Variants in ESRRG observed in about 807,000 individuals in gnomAD.
The protein encoded by ESRRG is estrogen related receptor gamma.
ESRRG carries 13 observed loss-of-function variants against 44.0 expected under a neutral mutation model. That is an observed-to-expected ratio of 0.30 (90% CI 0.19 to 0.47). The LOEUF (loss-of-function observed/expected upper bound fraction) is 0.47, where lower values mean the gene tolerates loss of function less well. Among genes scored for constraint, ESRRG ranks in the 20% least tolerant of loss-of-function variants. ESRRG has a pLI of 1.00. For missense variants in ESRRG, 395 were observed against 580.6 expected (o/e 0.68, Z 3.29); for synonymous variants, 215 against 214.6 (o/e 1.00, Z -0.02).
chr1:216,950,709 G>A (rs1240628720), intron 1 of ESRRG, among the ~76,000 whole-genome samples: 1 of 152,158 alleles, frequency 6.6e-6, no homozygotes, highest in Non-Finnish European at 1.5e-5. Flanking sequence ...TATAAGCAAT[G>A]ATTATCTATT....
chr1:216,883,819 C>T (rs1185232301), intron 2 of ESRRG, among the ~76,000 whole-genome samples: 1 of 151,042 alleles, frequency 6.6e-6, no homozygotes, highest in African/African-American at 2.4e-5. Flanking sequence ...CAATGTCCAA[C>T]ACCACTTTGG....
At chr1:216,970,100 T>C (rs992975893) in intron 1 of ESRRG, among the ~76,000 whole-genome samples, 4 of 152,068 alleles carry the variant, frequency 2.6e-5, no homozygotes, top group Admixed American at 1.3e-4. Flanking sequence ...TACAACCCCA[T>C]AGCTTTTCAC....
rs868338935 is a variant in ESRRG, at chr1:216,730,180, C to G, written c.-13-52689G>C. ...TGACACTATACTAGCGCATAGAACT[C>G]CGACAGAGATCTGACCTCTCTGAGG... is the stretch of plus-strand genomic sequence containing the variant. On this transcript the variant is annotated intron_variant, in intron 2 of 7. Coordinates refer to the ESRRG transcript ENST00000359162. Among the ~76,000 whole-genome samples the G allele has an allele frequency of 4.0e-4, 60 of 151,858 alleles. 1 individual carries two copies. Among genetic ancestry groups the G allele is most frequent in the African/African-American group, 1.4e-3 (57 of 41,352 alleles).
At chr1:216,623,986 G>A (rs1393340369) in intron 3 of ESRRG, among the ~76,000 whole-genome samples, 1 of 151,868 alleles carries the variant, frequency 6.6e-6, no homozygotes, top group Non-Finnish European at 1.5e-5. Flanking sequence ...TACTAGCCAA[G>A]TCCATACCTA....
intron 3 of ESRRG, among the ~76,000 whole-genome samples, chr1:216,622,436 C>G (rs1450516162): frequency 6.6e-6 from 1 of 152,208 alleles, no homozygotes; most frequent in Admixed American, 6.5e-5. Flanking sequence ...TAGGCATTCT[C>G]TGATCCTTCT....
intron 2 of ESRRG, among the ~76,000 whole-genome samples, chr1:216,920,419 TGC>T (rs757919402): frequency 0.055 from 3,117 of 56,952 alleles, 55 homozygotes; most frequent in Middle Eastern, 0.085. Flanking sequence ...TGTGTGTGTG[TGC>T]GCATATTTTT....
Position 216,513,875 on chromosome 1 carries a change from G to A in ESRRG, c.1132+5277C>T, listed in dbSNP as rs765683064. Among the ~76,000 whole-genome samples the A allele has an allele frequency of 1.2e-4, 18 of 152,112 alleles. 1 individual carries two copies. Among genetic ancestry groups the A allele is most frequent in the South Asian group, 4.1e-4 (2 of 4,822 alleles). ...AGTGAATGTTGATATCAATTTGGGT[G>A]GTGAATAGTTCAACATTTCAAAACA... On this transcript the variant is annotated intron_variant, in intron 6 of 6. Transcript: ENST00000408911.
intron 2 of ESRRG, among the ~76,000 whole-genome samples, chr1:216,808,562 GACT>G (rs2094870280): frequency 6.6e-6 from 1 of 152,062 alleles, no homozygotes; most frequent in Non-Finnish European, 1.5e-5. Flanking sequence ...AAGCAGCTGA[GACT>G]ACAGGCAGGT....
At chr1:216,784,990 T>C in intron 2 of ESRRG, among the ~76,000 whole-genome samples, 1 of 151,980 alleles carries the variant, frequency 6.6e-6, no homozygotes, top group Non-Finnish European at 1.5e-5. Flanking sequence ...AAATGTTCCC[T>C]CCGAGACGAT....
chr1:217,064,489 C>T (rs1401535974), intron 1 of ESRRG, among the ~76,000 whole-genome samples: 3 of 152,056 alleles, frequency 2.0e-5, no homozygotes, highest in East Asian at 3.9e-4. Flanking sequence ...CCAGATGTGC[C>T]CCTACCAAAT....
intron 5 of ESRRG, among the ~76,000 whole-genome samples, chr1:216,523,458 G>A (rs377003898): frequency 2.0e-5 from 3 of 150,048 alleles, no homozygotes; most frequent in East Asian, 2.0e-4. Context: ...TTTGGAGGTT[G>A]ACAGTGGTGC....
At chr1:217,100,853 A>G (rs577452793) in intron 1 of ESRRG, among the ~76,000 whole-genome samples, 10 of 152,294 alleles carry the variant, frequency 6.6e-5, no homozygotes, top group South Asian at 6.2e-4. Context: ...ATCGGCCCCC[A>G]TGATCCAAAC....
intron 1 of ESRRG, among the ~76,000 whole-genome samples, chr1:217,008,437 A>G (rs144969767): frequency 1.3e-3 from 204 of 152,368 alleles, no homozygotes; most frequent in African/African-American, 4.4e-3. Context: ...GAATATCTAC[A>G]TAATGGAATA....
chr1:216,723,958 T>G (rs1462756394), upstream of ESRRG, among the ~76,000 whole-genome samples: 2 of 152,148 alleles, frequency 1.3e-5, no homozygotes, highest in Non-Finnish European at 2.9e-5. Flanking sequence ...CCGCGGCTTA[T>G]TTGGTGCTGT....
At chr1:216,929,429 T>C (rs1159371967) in intron 2 of ESRRG, among the ~76,000 whole-genome samples, 1 of 152,076 alleles carries the variant, frequency 6.6e-6, no homozygotes, top group African/African-American at 2.4e-5. Flanking sequence ...ATTTTAAACA[T>C]AGGAAATGAA....
At chr1:216,519,814 T>TAAA (rs147923058) in intron 5 of ESRRG, among the ~76,000 whole-genome samples, 16,688 of 118,134 alleles carry the variant, frequency 0.14, 1,333 homozygotes, top group East Asian at 0.41. Flanking sequence ...AACATAAAAG[T>TAAA]AAAAAAAAAA....
At chr1:216,985,788 A>G (rs1276483996) in intron 1 of ESRRG, 1 of 152,232 alleles carries the variant, frequency 6.6e-6, no homozygotes, top group Non-Finnish European at 1.5e-5. Context: ...CTGAGGTTGG[A>G]TATGGGTTGG....
intron 5 of ESRRG, among the ~76,000 whole-genome samples, chr1:216,542,666 A>T (rs1013447583): frequency 6.6e-6 from 1 of 152,052 alleles, no homozygotes; most frequent in African/African-American, 2.4e-5. Context: ...ACATAAAATT[A>T]AAGTTCTTAA....
chr1:217,024,283 G>A (rs574931495), intron 1 of ESRRG, among the ~76,000 whole-genome samples: 10 of 152,024 alleles, frequency 6.6e-5, no homozygotes, highest in South Asian at 4.2e-4. Flanking sequence ...GCGTGAACCC[G>A]GGAGGTGGAG....
Sources: allele counts gnomAD v4.1 joint callset (sites outside exome capture counted in the v4.1 genomes callset), GRCh38; gene constraint gnomAD v4.1.1; transcripts MANE v1.5; gene names NCBI Gene and HGNC (gene_info 2026-07-23, HGNC 2026-07-21).